Variants in BRCA2 observed in about 807,000 individuals in gnomAD.
BRCA2 encodes BRCA2 DNA repair associated.
A neutral mutation model predicts 276.7 loss-of-function variants in BRCA2; 203 were observed. That is an observed-to-expected ratio of 0.73 (90% CI 0.65 to 0.82). BRCA2 has a LOEUF of 0.82. BRCA2 is among the 40% of genes least tolerant of loss of function. The pLI, the probability that BRCA2 is intolerant of heterozygous loss-of-function variation, is 0.00. For missense variants in BRCA2, 3,920 were observed against 3,915.0 expected (o/e 1.00, Z -0.03); for synonymous variants, 1,289 against 1,338.4 (o/e 0.96, Z 0.81).
At position 32,337,684 on chromosome 13, in the gene BRCA2, A is replaced by C. The variant is rs587782072; in HGVS notation, c.3329A>C (p.Glu1110Ala). Residue 1110 changes from glutamate to alanine, a missense_variant, in exon 11 of 27, where the codon GAA (glutamate) becomes GCA (alanine). Around this residue, in one of 2 missense-constraint regions of BRCA2, gnomAD observed 3,263 missense variants for 3,156.9 expected, o/e 1.03. Coordinates refer to ENST00000380152, the MANE Select transcript of BRCA2 (RefSeq NM_000059.4). ...NHNLTPSQKA[E>A]ITELSTILEE... is the part of the protein sequence containing the mutation. Reference sequence around the variant, plus strand: ...AATTTAACACCTAGCCAAAAGGCAGAAATTACAGAACTTTCTACTATATTA... The same window carrying C: ...AATTTAACACCTAGCCAAAAGGCAGCAATTACAGAACTTTCTACTATATTA... 6.3e-7 allele frequency: 1 copy of C among 1,598,748 alleles called. No homozygotes were observed. Among genetic ancestry groups the C allele is most frequent in the African/African-American group, 1.3e-5 (1 of 74,108 alleles).
rs890177484 is a variant in BRCA2 at position 32,329,388 on chromosome 13, TAA to T, written c.632-54_632-53del. 9 of 1,311,806 alleles carry T rather than the reference TAA, an allele frequency of 6.9e-6. No individual in the cohort carries two copies. The African/African-American group carries it at 1.2e-4, about 17-fold the overall frequency. The allele number at this position is 1,311,806 out of a possible 1,614,324, so 81.3% of individuals were successfully genotyped here. On this transcript the variant is annotated intron_variant, in intron 7 of 26. Transcript: ENST00000380152. The stretch of plus-strand genomic sequence containing the variant: ...GTGCTTTTTGATGTCTGACAAAAAA[TAA>T]GTTTTTGCATTCTAGTGATAATATA...
intron 13 of BRCA2, among the ~76,000 whole-genome samples, chr13:32,353,654 G>A (rs950613822): frequency 2.6e-5 from 4 of 151,912 alleles, no homozygotes; most frequent in Non-Finnish European, 4.4e-5. Flanking sequence ...TTTTGTTACC[G>A]TGTTCCCCAG....
At chr13:32,383,089 C>T (rs555646047) in intron 24 of BRCA2, among the ~76,000 whole-genome samples, 2 of 97,030 alleles carry the variant, frequency 2.1e-5, no homozygotes, top group Non-Finnish European at 4.6e-5. Flanking sequence ...GGGCCAGGCG[C>T]GGTGGCTAAC....
rs1430165662 is a variant in BRCA2, at chr13:32,344,663, G to A, written c.6937+10G>A. Reference sequence around the variant, plus strand: ...AAAAGCACTCCAGATGGTAAAATTAGCTTTTTATTTATATCTGTTCTCCCT... The same window carrying A: ...AAAAGCACTCCAGATGGTAAAATTAACTTTTTATTTATATCTGTTCTCCCT... On this transcript the variant is annotated intron_variant, in intron 12 of 26. Transcript: ENST00000380152. The A allele has an allele frequency of 6.5e-7, 1 of 1,527,018 alleles. No individual in the cohort carries two copies. Among genetic ancestry groups the A allele is most frequent in the Non-Finnish European group, 9.1e-7 (1 of 1,101,878 alleles). The allele number at this position is 1,527,018 out of a possible 1,614,324, so 94.6% of individuals were successfully genotyped here. A position where few individuals can be genotyped will look rare whatever the true frequency, so the allele number is the denominator to read the frequency against.
chr13:32,355,885 A>G (rs776493999), intron 14 of BRCA2, among the ~76,000 whole-genome samples: 1 of 151,936 alleles, frequency 6.6e-6, no homozygotes, highest in Non-Finnish European at 1.5e-5. Context: ...TCTGTCTCAA[A>G]AAGAGATAAA....
intron 7 of BRCA2, among the ~76,000 whole-genome samples, chr13:32,328,397 A>G (rs1192215108): frequency 6.6e-6 from 1 of 151,828 alleles, no homozygotes; most frequent in East Asian, 1.9e-4. Flanking sequence ...ACCCACCACC[A>G]CGCCTGACTA....
chr13:32,340,896 G>C lies in BRCA2; in HGVS notation c.6541G>C (p.Gly2181Arg), dbSNP rs371067421. 7.5e-6 allele frequency: 12 copies of C among 1,607,092 alleles called. No individual in the cohort carries two copies. In the African/African-American group the frequency reaches 1.6e-4, roughly 22 times the overall value. Residue 2181 changes from glycine to arginine, a missense_variant, in exon 11 of 27, where the codon GGA (glycine) becomes CGA (arginine). Coordinates refer to ENST00000380152, the MANE Select transcript of BRCA2 (RefSeq NM_000059.4). ...ACTTGTTGAGAACATTCATGTTTTG[G>C]GAAAAGAACAGGCTTCACCTAAAAA... The part of the protein sequence containing the change: ...VSLVENIHVL[G>R]KEQASPKNVK...
At chr13:32,330,846 G>T (rs1314278059) in intron 8 of BRCA2, 73 bp from the exon 9 acceptor site, 1 of 908,988 alleles carries the variant, frequency 1.1e-6, no homozygotes, top group East Asian at 2.6e-5. Context: ...TGAAACCATG[G>T]ATAAGGGGGG....
In BRCA2 at chr13:32,339,157, A is replaced by G. The variant is rs80358704; in HGVS notation, c.4802A>G (p.Asp1601Gly). ...CKEMQNSLNNDKNLVSIETVV... is the reference protein window; with the variant it reads ...CKEMQNSLNNGKNLVSIETVV... Reference sequence around the variant, plus strand: ...GAAATGCAGAATTCTCTCAATAATGATAAAAACCTTGTTTCTATTGAGACT... The same window carrying G: ...GAAATGCAGAATTCTCTCAATAATGGTAAAAACCTTGTTTCTATTGAGACT... The change falls in exon 11 of 27, where the codon GAT (aspartate) becomes GGT (glycine). Residue 1601 changes from aspartate (D) to glycine (G), a missense_variant. Transcript: ENST00000380152. 1 of 1,613,890 alleles carries G rather than the reference A, an allele frequency of 6.2e-7. No individual in the cohort carries two copies. The highest frequency in any genetic ancestry group is 1.3e-5 in the African/African-American group (1 of 74,932).
chr13:32,387,619 G>A (rs1270411227), intron 24 of BRCA2, among the ~76,000 whole-genome samples: 1 of 152,156 alleles, frequency 6.6e-6, no homozygotes, highest in African/African-American at 2.4e-5. Context: ...TCATCCGGAG[G>A]CCTAAATCCC....
chr13:32,353,172 ATC>A (rs1478472809), intron 13 of BRCA2, among the ~76,000 whole-genome samples: 1 of 152,078 alleles, frequency 6.6e-6, no homozygotes. Context: ...GTTGTTGTAC[ATC>A]TCTCATCTTA....
chr13:32,341,292 CTA>C (rs1206416607), intron 11 of BRCA2, 96 bp downstream of exon 11: 57 of 1,568,650 alleles, frequency 3.6e-5, no homozygotes, highest in Non-Finnish European at 4.7e-5. Context: ...GTGTTATAAA[CTA>C]TGTCTTTTCA....
rs786201304 is a variant in BRCA2 at position 32,357,807 on chromosome 13, G to A, written c.7683G>A (p.Gln2561=). The A allele has an allele frequency of 3.7e-6, 6 of 1,613,736 alleles. No individual in the cohort carries two copies. Among genetic ancestry groups the A allele is most frequent in the Non-Finnish European group, 4.2e-6 (5 of 1,179,834 alleles). Residue 2561 remains glutamine, a synonymous_variant, in exon 16 of 27, where the codon CAG becomes CAA. Transcript: ENST00000380152. ...KINSKNAESF[Q]FHTEDYFGKE... is the part of the protein sequence containing the mutation. ...ACAGCAAAAATGCAGAGTCTTTTCA[G>A]TTTCACACTGAAGATTATTTTGGTA... is the stretch of plus-strand genomic sequence containing the variant.
chr13:32,350,680 G>A (rs769555339), intron 13 of BRCA2, among the ~76,000 whole-genome samples: 7 of 152,052 alleles, frequency 4.6e-5, no homozygotes, highest in Non-Finnish European at 7.4e-5. Flanking sequence ...ATCAACCCAG[G>A]AGGCGGAGCT....
At position 32,353,389 on chromosome 13, in the gene BRCA2, G is replaced by C. The variant is rs182231475; in HGVS notation, c.7008-1472G>C. Among the ~76,000 whole-genome samples, 204 of 152,296 alleles carry C rather than the reference G, an allele frequency of 1.3e-3. 1 individual carries two copies. The Middle Eastern group carries it at 0.017, about 13-fold the overall frequency. ...TGAATTCTCAACAAAGAAGCCGGGG[G>C]ATCCTTTTAAACATAAGACAGATTA... On this transcript the variant is annotated intron_variant, in intron 13 of 26. Coordinates refer to ENST00000380152, the MANE Select transcript of BRCA2 (RefSeq NM_000059.4).
At chr13:32,385,510 G>A in intron 24 of BRCA2, 1 of 223,942 alleles carries the variant, frequency 4.5e-6, no homozygotes, top group South Asian at 8.3e-5. Context: ...CTCCTTGCAG[G>A]CAACTCCCAC....
rs878853585 is a variant in BRCA2, at chr13:32,339,062, C to T, written c.4707C>T (p.Tyr1569=). Residue 1569 remains tyrosine, a synonymous_variant, in exon 11 of 27, where the codon TAC becomes TAT. Transcript: ENST00000380152. ...FSHQWAKTLK[Y]REACKDLELA... ...ATCAATGGGCAAAGACCCTAAAGTA[C>T]AGAGAGGCCTGTAAAGACCTTGAAT... 6.2e-7 allele frequency: 1 copy of T among 1,613,968 alleles called. No individual in the cohort carries two copies. The highest frequency in any genetic ancestry group is 8.5e-7 in the Non-Finnish European group (1 of 1,179,910).
intron 4 of BRCA2, 113 bp downstream of exon 4, chr13:32,325,297 G>T: frequency 4.0e-6 from 3 of 752,844 alleles, no homozygotes; most frequent in Non-Finnish European, 6.5e-6. Context: ...GAGCCTGGTA[G>T]AAGATCTTAC....
intron 16 of BRCA2, among the ~76,000 whole-genome samples, chr13:32,360,541 G>A (rs2072731499): frequency 1.3e-5 from 2 of 152,138 alleles, no homozygotes; most frequent in Non-Finnish European, 2.9e-5. Context: ...TGTGTTTTTA[G>A]TAGAGACAGG....
Sources: allele counts gnomAD v4.1 joint callset (sites outside exome capture counted in the v4.1 genomes callset), GRCh38; gene constraint gnomAD v4.1.1; regional missense constraint gnomAD v4.1.1; transcripts MANE v1.5; gene names NCBI Gene and HGNC (gene_info 2026-07-23, HGNC 2026-07-21).